The following PRKAR1A variants were observed in gnomAD, a reference collection of about 807,000 sequenced individuals.
The protein encoded by PRKAR1A is cAMP-dependent protein kinase type I-alpha regulatory subunit.
In PRKAR1A, 3 loss-of-function variants were observed where a neutral mutation model predicts 52.0. The ratio of observed to expected loss-of-function variants is 0.06; its 90% CI spans 0.03 to 0.15. PRKAR1A has a LOEUF of 0.15. Among genes scored for constraint, PRKAR1A ranks in the 10% least tolerant of loss-of-function variants. The pLI is 1.00. For synonymous variants in PRKAR1A, 188 were observed against 168.4 expected (o/e 1.12, Z -0.90); for missense variants, 240 against 477.4 (o/e 0.50, Z 4.63).
the PRKAR1A span, chr17:68,426,294 T>G: frequency 2.5e-6 from 2 of 785,370 alleles, no homozygotes; most frequent in Non-Finnish European, 4.2e-6. Context: ...GCTGTCTGTC[T>G]TCCCCCTGGA....
the PRKAR1A span, among the ~76,000 whole-genome samples, chr17:68,465,092 A>ATT: frequency 2.0e-5 from 3 of 148,388 alleles, no homozygotes; most frequent in Non-Finnish European, 3.0e-5. Flanking sequence ...CGCCCGGCTA[A>ATT]TTTTTTTTTT....
intron 11 of PRKAR1A, chr17:68,540,018 G>T: frequency 6.7e-7 from 1 of 1,496,070 alleles, no homozygotes; most frequent in East Asian, 2.3e-5. Flanking sequence ...GGGGACAGGT[G>T]CTCCTGACCT....
At chr17:68,477,935 C>A in the PRKAR1A span, among the ~76,000 whole-genome samples, 12 of 152,076 alleles carry the variant, frequency 7.9e-5, no homozygotes, top group Non-Finnish European at 1.6e-4. Flanking sequence ...GTTGGCCGAG[C>A]TGGTCGCAAA....
chr17:68,438,258 C>T, the PRKAR1A span, among the ~76,000 whole-genome samples: 1 of 152,200 alleles, frequency 6.6e-6, no homozygotes, highest in East Asian at 1.9e-4. Context: ...CCCTGCCACC[C>T]CTTTGGCGAT....
At chr17:68,425,598 A>C in the PRKAR1A span, among the ~76,000 whole-genome samples, 1 of 152,144 alleles carries the variant, frequency 6.6e-6, no homozygotes, top group African/African-American at 2.4e-5. Context: ...AGTGAGGGTC[A>C]AGCTGGTTCA....
chr17:68,516,491 A>G (rs2085438060), intron 2 of PRKAR1A, among the ~76,000 whole-genome samples: 1 of 152,120 alleles, frequency 6.6e-6, no homozygotes, highest in African/African-American at 2.4e-5. Context: ...GAAATGATTC[A>G]TATACCAAAA....
At chr17:68,503,345 T>C in the PRKAR1A span, among the ~76,000 whole-genome samples, 1 of 152,216 alleles carries the variant, frequency 6.6e-6, no homozygotes, top group African/African-American at 2.4e-5. Context: ...TTTTGCCATG[T>C]GATCCAGAAA....
At chr17:68,522,662 T>A in intron 2 of PRKAR1A, 94 bp from the exon 3 acceptor site, 15 of 1,360,836 alleles carry the variant, frequency 1.1e-5, no homozygotes, top group Non-Finnish European at 1.4e-5. Context: ...GAAGAAGAGA[T>A]TGGAAGTGAC....
In PRKAR1A at chr17:68,528,755, A is replaced by G. The variant is rs1010850983; in HGVS notation, c.770-115A>G. 2.3e-5 allele frequency: 31 copies of G among 1,361,346 alleles called. No individual in the cohort carries two copies. The Admixed American group carries it at 5.3e-4, about 23-fold the overall frequency. The allele number at this position is 1,361,346 out of a possible 1,614,324, so 84.3% of individuals were successfully genotyped here. On this transcript the variant is annotated intron_variant, in intron 8 of 10. Coordinates refer to ENST00000589228, the MANE Select transcript of PRKAR1A (RefSeq NM_002734.5). ...ACAGGTACCACTTTTAATCTGAGAC[A>G]CTACTAGAATGTTGAATGGGCATGG... is the stretch of plus-strand genomic sequence containing the variant.
chr17:68,448,371 A>G, the PRKAR1A span: 1 of 152,228 alleles, frequency 6.6e-6, no homozygotes, highest in African/African-American at 2.4e-5. Flanking sequence ...TATTGGTTCC[A>G]ATGAACCGAT....
At chr17:68,478,477 A>G in the PRKAR1A span, among the ~76,000 whole-genome samples, 6 of 152,324 alleles carry the variant, frequency 3.9e-5, no homozygotes, top group Non-Finnish European at 8.8e-5. Context: ...ACAACAAAAA[A>G]CAAACCAAAA....
At chr17:68,417,532 A>G in the PRKAR1A span, among the ~76,000 whole-genome samples, 115 of 151,984 alleles carry the variant, frequency 7.6e-4, no homozygotes, top group Middle Eastern at 3.4e-3. Context: ...AGACTTGTCC[A>G]CACTGAGCCT....
the PRKAR1A span, among the ~76,000 whole-genome samples, chr17:68,431,393 A>C: frequency 5.3e-5 from 8 of 151,866 alleles, no homozygotes; most frequent in East Asian, 1.4e-3. Flanking sequence ...CGTGGCGCAT[A>C]CTGTTTTATG....
At chr17:68,543,807 A>G (rs540343612) in intron 11 of PRKAR1A, 2 of 1,185,140 alleles carry the variant, frequency 1.7e-6, no homozygotes, top group South Asian at 2.4e-5. Context: ...CCAGCGAGAA[A>G]GGAAAACGGG....
At chr17:68,507,707 TA>T (rs1036385371), upstream of PRKAR1A, among the ~76,000 whole-genome samples, 9 of 148,660 alleles carry the variant, frequency 6.1e-5, no homozygotes, top group Admixed American at 2.0e-4. Flanking sequence ...CTTTTCACAT[TA>T]AAAAAAAAAG....
the PRKAR1A span, among the ~76,000 whole-genome samples, chr17:68,458,886 C>T: frequency 3.3e-5 from 5 of 152,122 alleles, no homozygotes; most frequent in Admixed American, 1.3e-4. Flanking sequence ...TTGCGGTTTT[C>T]CCCATTTCCC....
the PRKAR1A span, among the ~76,000 whole-genome samples, chr17:68,469,881 C>T: frequency 1.3e-5 from 2 of 152,020 alleles, no homozygotes. Flanking sequence ...TTTATACCCC[C>T]AAACATACAA....
chr17:68,497,456 G>C, the PRKAR1A span, among the ~76,000 whole-genome samples: 1 of 152,196 alleles, frequency 6.6e-6, no homozygotes, highest in Non-Finnish European at 1.5e-5. Context: ...GTAGTCACTA[G>C]CTACAGCTGG....
chr17:68,462,957 CAG>C, the PRKAR1A span, among the ~76,000 whole-genome samples: 1 of 152,156 alleles, frequency 6.6e-6, no homozygotes, highest in South Asian at 2.1e-4. Flanking sequence ...TGCTCCCAAG[CAG>C]AGAGTTAGCC....
Sources: allele counts gnomAD v4.1 joint callset (sites outside exome capture counted in the v4.1 genomes callset), GRCh38; gene constraint gnomAD v4.1.1; transcripts MANE v1.5; gene names NCBI Gene and HGNC (gene_info 2026-07-23, HGNC 2026-07-21).